The following ZNF516 variants were observed in gnomAD, a reference collection of about 807,000 sequenced individuals.
ZNF516 encodes the protein zinc finger protein 516.
In ZNF516, 19 loss-of-function variants were observed where a neutral mutation model predicts 79.7. The observed-to-expected ratio is 0.24, with a 90% CI of 0.17 to 0.35. The LOEUF is 0.35. ZNF516 is among the 10% of genes least tolerant of loss of function. The probability of loss-of-function intolerance (pLI) is 1.00; values close to 1 mark genes in which losing one functional copy is unlikely to be tolerated. For missense variants in ZNF516, 1,678 were observed against 1,679.5 expected (o/e 1.00, Z 0.02); for synonymous variants, 877 against 739.5 (o/e 1.19, Z -3.02).
intron 3 of ZNF516, among the ~76,000 whole-genome samples, chr18:76,402,318 C>T (rs538509568): frequency 2.0e-5 from 3 of 152,276 alleles, no homozygotes; most frequent in East Asian, 3.9e-4. Context: ...GGTGCCCTCC[C>T]GTAACCTCCC....
At chr18:76,368,588 C>G (rs2074655325) in intron 6 of ZNF516, among the ~76,000 whole-genome samples, 1 of 152,012 alleles carries the variant, frequency 6.6e-6, no homozygotes, top group South Asian at 2.1e-4. Flanking sequence ...CACATTCACT[C>G]AGACCACAAT....
chr18:76,442,389 G>T lies in ZNF516; in HGVS notation c.666C>A (p.Asp222Glu), dbSNP rs1911736822. 1 of 1,608,638 alleles carries T rather than the reference G, an allele frequency of 6.2e-7. No homozygotes were observed. The highest frequency in any genetic ancestry group is 8.5e-7 in the Non-Finnish European group (1 of 1,179,630). The change falls in exon 3 of 7, where the codon GAC becomes GAA. Residue 222 changes from aspartate (D) to glutamate (E), a missense_variant. Around this residue, in one of 5 missense-constraint regions of ZNF516, gnomAD observed 279 missense variants for 254.1 expected, o/e 1.10. Coordinates refer to ENST00000443185, the MANE Select transcript of ZNF516 (RefSeq NM_014643.4). ...EESLLSHIER[D>E]HITAQGPGSG... ...TGCCGGGCCCCTGCGCGGTGATGTG[G>T]TCCCTCTCGATGTGGCTCAGCAGCG...
At position 76,442,645 on chromosome 18, in the gene ZNF516, G is replaced by A. The variant is rs1911768755; in HGVS notation, c.410C>T (p.Ala137Val). 1.9e-6 allele frequency: 3 copies of A among 1,588,410 alleles called. No individual in the cohort carries two copies. The South Asian group carries it at 3.3e-5, about 18-fold the overall frequency. The change falls in exon 3 of 7, where the codon GCC becomes GTC. Residue 137 changes from alanine (A) to valine (V), a missense_variant. Coordinates refer to ENST00000443185, the MANE Select transcript of ZNF516 (RefSeq NM_014643.4). Reference sequence around the variant, plus strand: ...CTGCGAGGCCCCGTTCAGGACCCTGGCGCCGTCGGCCTGCGAGGCCCCGTT... The same window carrying A: ...CTGCGAGGCCCCGTTCAGGACCCTGACGCCGTCGGCCTGCGAGGCCCCGTT... ...LLNGASQADG[A>V]RVLNGASQAD... is the part of the protein sequence containing the mutation.
At chr18:76,423,883 T>TC (rs2075548820) in intron 3 of ZNF516, among the ~76,000 whole-genome samples, 2 of 100,308 alleles carry the variant, frequency 2.0e-5, no homozygotes, top group East Asian at 3.3e-4. Flanking sequence ...GGTGAAAAGG[T>TC]TCCCCCGAAA....
intron 3 of ZNF516, among the ~76,000 whole-genome samples, chr18:76,426,961 G>A (rs1007603707): frequency 2.0e-5 from 3 of 152,140 alleles, no homozygotes; most frequent in African/African-American, 4.8e-5. Flanking sequence ...TTTCCTTTCC[G>A]TATGGACAGG....
chr18:76,395,380 A>G (rs933474411), intron 3 of ZNF516, among the ~76,000 whole-genome samples: 5 of 152,164 alleles, frequency 3.3e-5, no homozygotes, highest in African/African-American at 2.4e-5. Flanking sequence ...CCATCAACAA[A>G]TATGCATTTA....
chr18:76,458,759 C>G (rs990007630), intron 2 of ZNF516, among the ~76,000 whole-genome samples: 14 of 147,892 alleles, frequency 9.5e-5, no homozygotes, highest in Non-Finnish European at 1.6e-4. Context: ...CACCGTCGTG[C>G]GTGTGTGTGC....
At chr18:76,481,049 A>T (rs1271871730) in intron 1 of ZNF516, among the ~76,000 whole-genome samples, 1 of 152,084 alleles carries the variant, frequency 6.6e-6, no homozygotes, top group Non-Finnish European at 1.5e-5. Context: ...GCAAATACAG[A>T]CCCAGGTTTC....
chr18:76,436,743 A>G (rs980219694), intron 3 of ZNF516, among the ~76,000 whole-genome samples: 13 of 151,906 alleles, frequency 8.6e-5, no homozygotes, highest in African/African-American at 3.1e-4. Flanking sequence ...CCGCTGGCCA[A>G]ATTCACCCTC....
intron 3 of ZNF516, among the ~76,000 whole-genome samples, chr18:76,409,684 C>T (rs2075348676): frequency 6.6e-6 from 1 of 152,194 alleles, no homozygotes. Context: ...TTTGCTACTT[C>T]ACCATGAGCC....
At position 76,360,641 on chromosome 18, in the gene ZNF516, AAAAAAATAT is replaced by A. The variant is rs1436758117; in HGVS notation, c.*1848_*1856del. The A allele has an allele frequency of 1.8e-5, 2 of 113,644 alleles. No homozygotes were observed. Among genetic ancestry groups the A allele is most frequent in the African/African-American group, 3.2e-5 (1 of 31,414 alleles). 7.0% of individuals were successfully genotyped at this position (113,644 alleles called of 1,614,324 possible). On this transcript the variant is annotated 3_prime_UTR_variant, in exon 7 of 7. Transcript: ENST00000443185. ...ATCAGAAAAAAATAAGTAAAAAAAAAAAAAAATATATATATATATATATATATATATATA... is the reference window on the plus strand; with the variant it reads ...ATCAGAAAAAAATAAGTAAAAAAAAAATATATATATATATATATATATATA...
intron 3 of ZNF516, among the ~76,000 whole-genome samples, chr18:76,425,504 AC>A (rs2075581357): frequency 6.6e-6 from 1 of 152,216 alleles, no homozygotes; most frequent in Non-Finnish European, 1.5e-5. Context: ...TGCGATCCTG[AC>A]CACTGATTCC....
At chr18:76,437,233 G>T (rs946576016) in intron 3 of ZNF516, among the ~76,000 whole-genome samples, 1 of 152,150 alleles carries the variant, frequency 6.6e-6, no homozygotes, top group East Asian at 1.9e-4. Flanking sequence ...CAGCGCACCA[G>T]CACGGACAGC....
At chr18:76,447,146 A>G (rs1346944881) in intron 2 of ZNF516, among the ~76,000 whole-genome samples, 1 of 152,248 alleles carries the variant, frequency 6.6e-6, no homozygotes, top group African/African-American at 2.4e-5. Context: ...GCAGGCAAAA[A>G]TTGCTATTTA....
At chr18:76,458,924 A>T (rs1483112713) in intron 2 of ZNF516, among the ~76,000 whole-genome samples, 1 of 152,114 alleles carries the variant, frequency 6.6e-6, no homozygotes, top group East Asian at 1.9e-4. Flanking sequence ...TGTGACAGTG[A>T]GTGTGGAAGC....
intron 3 of ZNF516, among the ~76,000 whole-genome samples, chr18:76,435,381 G>A (rs562678428): frequency 5.3e-5 from 8 of 152,140 alleles, no homozygotes; most frequent in African/African-American, 1.7e-4. Context: ...GATTATCAAC[G>A]CTGAAAGAAT....
intron 2 of ZNF516, among the ~76,000 whole-genome samples, chr18:76,443,769 G>T (rs1259631039): frequency 6.6e-6 from 1 of 152,178 alleles, no homozygotes; most frequent in Non-Finnish European, 1.5e-5. Flanking sequence ...TCCTACAGTG[G>T]ACACACACAC....
intron 3 of ZNF516, among the ~76,000 whole-genome samples, chr18:76,436,482 A>G (rs1359169669): frequency 2.0e-5 from 3 of 152,014 alleles, no homozygotes; most frequent in Non-Finnish European, 4.4e-5. Context: ...CTCCCAACCC[A>G]TGACTTGGCT....
At chr18:76,492,652 C>A (rs189966007) in intron 1 of ZNF516, 4 of 930,294 alleles carry the variant, frequency 4.3e-6, no homozygotes, top group East Asian at 2.3e-4. Context: ...CAAAAACGCA[C>A]CAGGGCGCGC....
Sources: allele counts gnomAD v4.1 joint callset (sites outside exome capture counted in the v4.1 genomes callset), GRCh38; gene constraint gnomAD v4.1.1; regional missense constraint gnomAD v4.1.1; transcripts MANE v1.5; gene names NCBI Gene and HGNC (gene_info 2026-07-23, HGNC 2026-07-21).